The following WDR33 variants were observed in gnomAD, a reference collection of about 807,000 sequenced individuals.
WDR33 encodes pre-mRNA 3' end processing protein WDR33.
WDR33 carries 47 observed loss-of-function variants against 164.9 expected under a neutral mutation model. The ratio of observed to expected loss-of-function variants is 0.29; its 90% confidence interval spans 0.23 to 0.36. The LOEUF (loss-of-function observed/expected upper bound fraction) is 0.36. Among genes scored for constraint, WDR33 ranks in the 10% least tolerant of loss-of-function variants. The pLI, the probability that WDR33 is intolerant of heterozygous loss-of-function variation, is 1.00. For missense variants in WDR33, 1,137 were observed against 1,754.1 expected, an observed-to-expected ratio of 0.65 and a Z score of 6.28; for synonymous variants, 505 against 589.0, an observed-to-expected ratio of 0.86 and a Z score of 2.06.
intron 1 of WDR33, among the ~76,000 whole-genome samples, chr2:127,782,841 C>T (rs1164433717): frequency 6.6e-6 from 1 of 152,102 alleles, no homozygotes; most frequent in Non-Finnish European, 1.5e-5. Context: ...AACCCCATCT[C>T]TACTAAAAAT....
rs1278473238 is a variant in WDR33 at position 127,701,117 on chromosome 2, T to G, written c.*5206A>C. On this transcript the variant is annotated 3_prime_UTR_variant, in exon 22 of 22. Transcript: ENST00000322313. ...ATTCTGTGTACCCTTTACCCATTCC[T>G]CCATGTTGCAAAACTAGCACAATAT... 1 of 157,834 alleles carries G rather than the reference T, an allele frequency of 6.3e-6. No homozygotes were observed. Among genetic ancestry groups the G allele is most frequent in the Non-Finnish European group, 1.4e-5 (1 of 71,974 alleles). 9.8% of individuals were successfully genotyped at this position (157,834 alleles called of 1,614,324 possible).
Position 127,723,489 on chromosome 2 carries a change from T to G in WDR33, c.1197-142A>C. 1 of 658,418 alleles carries G rather than the reference T, an allele frequency of 1.5e-6. No homozygotes were observed. Among genetic ancestry groups the G allele is most frequent in the Non-Finnish European group, 2.5e-6 (1 of 400,586 alleles). The allele number at this position is 658,418 out of a possible 1,614,324, so 40.8% of individuals were successfully genotyped here. On this transcript the variant is annotated intron_variant, in intron 11 of 21. Transcript: ENST00000322313. This position sits in a 1 kb window ranked among gnomAD's most constrained non-coding sequence, Gnocchi z 5.9. ...AAATTTAAAATGTGAGGTCATACACTTTGGCTCACATCTGTAATCCCAGCA... is the reference window on the plus strand; with the variant it reads ...AAATTTAAAATGTGAGGTCATACACGTTGGCTCACATCTGTAATCCCAGCA...
rs1686473467 is a variant in WDR33, at chr2:127,722,874, G to T, written c.1378+84C>A. The stretch of plus-strand genomic sequence containing the variant: ...AACATTTCTCAACATAAATCATTTT[G>T]GTATTTCAATATATTTATCAGGAAC... On this transcript the variant is annotated intron_variant, in intron 13 of 21. Coordinates refer to ENST00000322313, the MANE Select transcript of WDR33 (RefSeq NM_018383.5). This position sits in a 1 kb window ranked among gnomAD's most constrained non-coding sequence, Gnocchi z 5.1. 7.1e-7 allele frequency: 1 copy of T among 1,411,642 alleles called. No homozygotes were observed. The highest frequency in any genetic ancestry group is 2.1e-4 in the Middle Eastern group (1 of 4,774). The allele number at this position is 1,411,642 out of a possible 1,614,324, so 87.4% of individuals were successfully genotyped here. A position where few individuals can be genotyped will look rare whatever the true frequency, so the allele number is the denominator to read the frequency against.
rs985808756 is a variant in WDR33 at position 127,708,086 on chromosome 2, C to T, written c.3781+591G>A. 1.2e-4 allele frequency among the ~76,000 whole-genome samples: 18 copies of T among 152,316 alleles called. No homozygotes were observed. The highest frequency in any genetic ancestry group is 4.1e-4 in the South Asian group (2 of 4,826). ...GCTTCCGAGCCACACCACCTATGCACCTCCCCCGCTGCCTTGCAACCAGAG... is the reference window on the plus strand; with the variant it reads ...GCTTCCGAGCCACACCACCTATGCATCTCCCCCGCTGCCTTGCAACCAGAG... On this transcript the variant is annotated intron_variant, in intron 21 of 21. Coordinates refer to ENST00000322313, the MANE Select transcript of WDR33 (RefSeq NM_018383.5). The surrounding 1 kb of genome is among the most constrained non-coding windows in gnomAD (Gnocchi z 6.7).
At chr2:127,774,286 G>A (rs1053629358) in intron 1 of WDR33, among the ~76,000 whole-genome samples, 6 of 149,532 alleles carry the variant, frequency 4.0e-5, no homozygotes, top group Non-Finnish European at 7.4e-5. Flanking sequence ...TTCTGGCCTC[G>A]GATGATCCGC....
chr2:127,733,006 T>C (rs989486813), intron 7 of WDR33, among the ~76,000 whole-genome samples: 1 of 152,192 alleles, frequency 6.6e-6, no homozygotes, highest in Non-Finnish European at 1.5e-5. Flanking sequence ...AATGTAGTGT[T>C]TGTAATACTG....
intron 1 of WDR33, among the ~76,000 whole-genome samples, chr2:127,792,791 T>C (rs1389486412): frequency 6.6e-6 from 1 of 152,216 alleles, no homozygotes; most frequent in Non-Finnish European, 1.5e-5. Flanking sequence ...AGGTAAATGA[T>C]CAAGCTATAC....
chr2:127,737,916 T>C, intron 7 of WDR33: 1 of 1,548,886 alleles, frequency 6.5e-7, no homozygotes. Context: ...TCAACTGTAA[T>C]TTGAATCTAT....
intron 1 of WDR33, among the ~76,000 whole-genome samples, chr2:127,793,115 T>C (rs1479511065): frequency 6.6e-6 from 1 of 152,168 alleles, no homozygotes; most frequent in Non-Finnish European, 1.5e-5. Flanking sequence ...ACAGGTAATA[T>C]CTAATGATTT....
At chr2:127,758,587 T>C (rs1687584852) in intron 7 of WDR33, among the ~76,000 whole-genome samples, 1 of 152,172 alleles carries the variant, frequency 6.6e-6, no homozygotes, top group Admixed American at 6.5e-5. Flanking sequence ...AAAACAAAAT[T>C]AAAGCACGCT....
In WDR33 at chr2:127,716,040, C is replaced by CTGA. The variant is rs1686292880; in HGVS notation, c.2869+1112_2869+1114dup. On this transcript the variant is annotated intron_variant, in intron 17 of 21. Transcript: ENST00000322313. This position sits in a 1 kb window ranked among gnomAD's most constrained non-coding sequence, Gnocchi z 4.5. Reference sequence around the variant, plus strand: ...AGGAAGAGAGGCAGCTCTCAGTTTGCTGATGGCGATAACTCAGGGGGTAAA... The same window carrying CTGA: ...AGGAAGAGAGGCAGCTCTCAGTTTGCTGATGATGGCGATAACTCAGGGGGTAAA... Among the ~76,000 whole-genome samples the CTGA allele has an allele frequency of 6.6e-6, 1 of 152,172 alleles. No homozygotes were observed. The highest frequency in any genetic ancestry group is 6.5e-5 in the Admixed American group (1 of 15,278).
At chr2:127,805,068 C>CTTTTTTTTTTTTTTTT (rs201681607) in intron 1 of WDR33, among the ~76,000 whole-genome samples, 2 of 84,418 alleles carry the variant, frequency 2.4e-5, no homozygotes, top group Admixed American at 1.4e-4. Context: ...GAAGTTTTTT[C>CTTTTTTTTTTTTTTTT]TTTTTTTTTT....
At chr2:127,799,927 A>T (rs1039650436) in intron 1 of WDR33, among the ~76,000 whole-genome samples, 6 of 152,188 alleles carry the variant, frequency 3.9e-5, no homozygotes, top group Non-Finnish European at 8.8e-5. Flanking sequence ...ACAATTAGAT[A>T]ACACTTCACA....
In WDR33 at chr2:127,735,299, C is replaced by A. The variant is rs557386210; in HGVS notation, c.725-8522G>T. 1.2e-6 allele frequency: 1 copy of A among 858,768 alleles called. No individual in the cohort carries two copies. Among genetic ancestry groups the A allele is most frequent in the Non-Finnish European group, 1.4e-6 (1 of 714,516 alleles). 53.2% of individuals were successfully genotyped at this position (858,768 alleles called of 1,614,324 possible). ...TCACCCCTCCTCCACCTCATCAGAT[C>A]CTAAGGAACCTGTTACCCCAAGCCC... On this transcript the variant is annotated intron_variant, in intron 7 of 21. Coordinates refer to ENST00000322313, the MANE Select transcript of WDR33 (RefSeq NM_018383.5). The surrounding 1 kb of genome is among the most constrained non-coding windows in gnomAD (Gnocchi z 4.3).
Position 127,770,787 on chromosome 2 carries a change from C to G in WDR33, c.195G>C (p.Lys65Asn), listed in dbSNP as rs1459707983. Reference sequence around the variant, plus strand: ...CATAAATCAGGCTTACCTCCAAATACTTAATTACAGATGGATTGTAGTCTA... The same window carrying G: ...CATAAATCAGGCTTACCTCCAAATAGTTAATTACAGATGGATTGTAGTCTA... ...KTIDYNPSVI[K>N]YLENRIWQRD... Residue 65 changes from lysine to asparagine, a missense_variant, in exon 2 of 22, where the codon AAG becomes AAC. Coordinates refer to ENST00000322313, the MANE Select transcript of WDR33 (RefSeq NM_018383.5). This position sits in a 1 kb window ranked among gnomAD's most constrained non-coding sequence, Gnocchi z 4.9. 6.2e-7 allele frequency: 1 copy of G among 1,613,800 alleles called. No individual in the cohort carries two copies. Among genetic ancestry groups the G allele is most frequent in the Non-Finnish European group, 8.5e-7 (1 of 1,179,838 alleles).
At chr2:127,788,494 C>T (rs1229707574) in intron 1 of WDR33, among the ~76,000 whole-genome samples, 6 of 129,334 alleles carry the variant, frequency 4.6e-5, no homozygotes, top group African/African-American at 6.2e-5. Flanking sequence ...ACCTCCCTCC[C>T]GGACGGGGCG....
intron 21 of WDR33, among the ~76,000 whole-genome samples, chr2:127,707,157 T>C (rs17599246): frequency 0.13 from 20,012 of 151,648 alleles, 1,443 homozygotes; most frequent in South Asian, 0.25. Context: ...CTTAACCTGC[T>C]TCAGACTAGT....
chr2:127,732,108 A>AACACACACACACAC (rs71394692), intron 7 of WDR33, among the ~76,000 whole-genome samples: 25 of 138,210 alleles, frequency 1.8e-4, no homozygotes, highest in Middle Eastern at 3.6e-3. Context: ...CAACATATAC[A>AACACACACACACAC]ACACACACAC....
In WDR33 at chr2:127,708,925, GCA is replaced by G. The variant is rs1686084554; in HGVS notation, c.3566-35_3566-34del. 6 of 1,517,018 alleles carry G rather than the reference GCA, an allele frequency of 4.0e-6. No homozygotes were observed. Among genetic ancestry groups the G allele is most frequent in the Non-Finnish European group, 5.3e-6 (6 of 1,127,766 alleles). The allele number at this position is 1,517,018 out of a possible 1,614,324, so 94.0% of individuals were successfully genotyped here. A position where few individuals can be genotyped will look rare whatever the true frequency, so the allele number is the denominator to read the frequency against. On this transcript the variant is annotated intron_variant, in intron 20 of 21. Transcript: ENST00000322313. This position sits in a 1 kb window ranked among gnomAD's most constrained non-coding sequence, Gnocchi z 6.7. ...AAGAAACAAATCTCCTTACAGGAAA[GCA>G]CAGTGTGACCAGAAGTAGATGGGAA...
Sources: gnomAD v4.1 joint callset for allele counts (sites outside exome capture counted in the v4.1 genomes callset) on GRCh38, gnomAD v4.1.1 for gene constraint, Gnocchi (gnomAD v3.1) non-coding constraint, MANE v1.5 for transcripts, NCBI Gene and HGNC (gene_info 2026-07-23, HGNC 2026-07-21) for gene names.